Variants in MDM4 observed in about 807,000 individuals in gnomAD.
MDM4 encodes the protein MDM4 regulator of p53, also known as protein Mdm4.
A neutral mutation model predicts 60.2 loss-of-function variants in MDM4; 2 were observed. The ratio of observed to expected loss-of-function variants is 0.03; its 90% confidence interval spans 0.01 to 0.10. MDM4 has a LOEUF of 0.10. Ranked by LOEUF, MDM4 falls within the 10% of genes least tolerant of loss-of-function variation. The probability of loss-of-function intolerance (pLI) is 1.00; values close to 1 mark genes in which losing one functional copy is unlikely to be tolerated. For synonymous variants in MDM4, 202 were observed against 198.1 expected, an observed-to-expected ratio of 1.02 and a Z score of -0.17; for missense variants, 447 against 577.5, an observed-to-expected ratio of 0.77 and a Z score of 2.32.
chr1:204,534,826 T>A (rs1349656806), intron 5 of MDM4, among the ~76,000 whole-genome samples: 1 of 152,004 alleles, frequency 6.6e-6, no homozygotes, highest in African/African-American at 2.4e-5. Context: ...TTTGAAAAAA[T>A]TTCAGACTTA....
rs778877475 is a variant in MDM4, at chr1:204,538,239, A to G, written c.442A>G (p.Lys148Glu). The G allele has an allele frequency of 1.9e-6, 3 of 1,611,196 alleles. No homozygotes were observed. Among genetic ancestry groups the G allele is most frequent in the Non-Finnish European group, 2.5e-6 (3 of 1,177,266 alleles). ...TGCAGAGGAAAGTTCCACTTCCAGA[A>G]AAAGAACTACAGAAGACGATATCCC... ...QSAEESSTSRKRTTEDDIPTL... is the reference protein window; with the variant it reads ...QSAEESSTSRERTTEDDIPTL... The change falls in exon 7 of 11, where the codon AAA (lysine) becomes GAA (glutamate). Residue 148 changes from lysine (K) to glutamate (E), a missense_variant. By Grantham distance (56) the Lys-to-Glu change is moderately conservative. Transcript: ENST00000367182.
intron 1 of MDM4, among the ~76,000 whole-genome samples, chr1:204,517,021 A>G (rs1326706839): frequency 6.6e-6 from 1 of 152,044 alleles, no homozygotes; most frequent in Non-Finnish European, 1.5e-5. Flanking sequence ...GGGTGGATCT[A>G]CCTGAGGACA....
Position 204,530,666 on chromosome 1 carries a change from G to A in MDM4, c.154-18G>A. 1 of 1,614,028 alleles carries A rather than the reference G, an allele frequency of 6.2e-7. No individual in the cohort carries two copies. The highest frequency in any genetic ancestry group is 1.1e-5 in the South Asian group (1 of 91,066). ...TAGCAGCTGGACAGATCACAACATG[G>A]TATTTTATTCCATGCAGGTCATGCA... On this transcript the variant is annotated intron_variant, in intron 3 of 10. Coordinates refer to ENST00000367182, the MANE Select transcript of MDM4 (RefSeq NM_002393.5).
At chr1:204,517,227 G>A (rs577558756) in intron 1 of MDM4, among the ~76,000 whole-genome samples, 22 of 151,408 alleles carry the variant, frequency 1.5e-4, no homozygotes, top group African/African-American at 5.1e-4. Context: ...GGGCTACAGA[G>A]GGAGATTCCG....
intron 5 of MDM4, 44 bp downstream of exon 5, chr1:204,532,290 T>C: frequency 8.0e-7 from 1 of 1,244,796 alleles, no homozygotes; most frequent in Non-Finnish European, 1.2e-6. Context: ...CAGCTTTGAG[T>C]TCAAGGGGGC....
chr1:204,532,493 A>C, intron 5 of MDM4: 1 of 557,006 alleles, frequency 1.8e-6, no homozygotes, highest in Non-Finnish European at 3.1e-6. Flanking sequence ...TCATCTAGAC[A>C]CACTTTTAAA....
intron 1 of MDM4, among the ~76,000 whole-genome samples, chr1:204,521,633 A>G (rs983423729): frequency 6.6e-6 from 1 of 152,184 alleles, no homozygotes; most frequent in Non-Finnish European, 1.5e-5. Flanking sequence ...CAGGCCTGGA[A>G]TTGTCACATT....
At chr1:204,534,131 G>A (rs1661149027) in intron 5 of MDM4, among the ~76,000 whole-genome samples, 1 of 152,198 alleles carries the variant, frequency 6.6e-6, no homozygotes, top group African/African-American at 2.4e-5. Context: ...GGCAGAGAAA[G>A]AGACATTGCT....
chr1:204,542,023 CAG>C (rs1187351513), intron 7 of MDM4, among the ~76,000 whole-genome samples: 3 of 152,176 alleles, frequency 2.0e-5, no homozygotes, highest in Non-Finnish European at 4.4e-5. Flanking sequence ...GTGATAACAA[CAG>C]ACTTATGTTA....
chr1:204,523,517 T>C (rs1312026708), intron 1 of MDM4, among the ~76,000 whole-genome samples: 2 of 122,096 alleles, frequency 1.6e-5, no homozygotes, highest in Non-Finnish European at 3.4e-5. Context: ...AGGGTATCGC[T>C]TTGTCACCCA....
At chr1:204,518,678 A>G (rs1659240065) in intron 1 of MDM4, among the ~76,000 whole-genome samples, 1 of 152,058 alleles carries the variant, frequency 6.6e-6, no homozygotes, top group South Asian at 2.1e-4. Flanking sequence ...CCAACCTTTC[A>G]CTCAGATGGC....
chr1:204,533,482 G>A (rs534679229), intron 5 of MDM4, among the ~76,000 whole-genome samples: 31 of 152,124 alleles, frequency 2.0e-4, no homozygotes, highest in African/African-American at 7.2e-4. Flanking sequence ...TCAGCCTCCC[G>A]AGTAGCTGGG....
chr1:204,536,574 A>G (rs1022768062), intron 5 of MDM4, among the ~76,000 whole-genome samples: 35 of 152,196 alleles, frequency 2.3e-4, no homozygotes, highest in African/African-American at 7.0e-4. Context: ...TTTTGGGTCT[A>G]TCTCATTCAC....
At position 204,549,927 on chromosome 1, in the gene MDM4, A is replaced by C. The variant is rs1448833794; in HGVS notation, c.*245A>C. ...GTACATAGTTAGGTGAACCCAAAAG[A>C]AAAACTCTTGAAAACAAGAGATTTC... On this transcript the variant is annotated 3_prime_UTR_variant, in exon 11 of 11. Transcript: ENST00000367182. The C allele has an allele frequency of 2.8e-6, 1 of 353,468 alleles. No homozygotes were observed. Among genetic ancestry groups the C allele is most frequent in the Non-Finnish European group, 5.1e-6 (1 of 196,936 alleles). The allele number at this position is 353,468 out of a possible 1,614,324, so 21.9% of individuals were successfully genotyped here.
chr1:204,538,359 C>A (rs1395646850), intron 7 of MDM4, 51 bp downstream of exon 7: 3 of 955,172 alleles, frequency 3.1e-6, no homozygotes, highest in Non-Finnish European at 5.0e-6. Context: ...CCTCTTCCAA[C>A]CTTTTTATTT....
At chr1:204,534,654 GT>G (rs1661211724) in intron 5 of MDM4, among the ~76,000 whole-genome samples, 1 of 151,832 alleles carries the variant, frequency 6.6e-6, no homozygotes, top group Non-Finnish European at 1.5e-5. Flanking sequence ...CACCTGGCTA[GT>G]TTTTTGTATA....
In MDM4 at chr1:204,549,368, G is replaced by T. The variant is rs1420651047; in HGVS notation, c.1159G>T (p.Asp387Tyr). 6.2e-7 allele frequency: 1 copy of T among 1,614,150 alleles called. No individual in the cohort carries two copies. Among genetic ancestry groups the T allele is most frequent in the Admixed American group, 1.7e-5 (1 of 60,016 alleles). Residue 387 changes from aspartate (D) to tyrosine (Y), a missense_variant, in exon 11 of 11, where the codon GAT becomes TAT. Transcript: ENST00000367182. ...YIKKENSKLF[D>Y]PCNSVEFLDL... Reference sequence around the variant, plus strand: ...AAAGAAAGAAAACTCCAAACTTTTTGATCCCTGCAACTCAGTGGAATTCTT... The same window carrying T: ...AAAGAAAGAAAACTCCAAACTTTTTTATCCCTGCAACTCAGTGGAATTCTT...
rs982267051 is a variant in MDM4, at chr1:204,551,634, A to G, written c.*1952A>G. The G allele has an allele frequency of 8.6e-6, 2 of 231,904 alleles. No homozygotes were observed. Among genetic ancestry groups the G allele is most frequent in the Non-Finnish European group, 1.7e-5 (2 of 117,374 alleles). 14.4% of individuals were successfully genotyped at this position (231,904 alleles called of 1,614,324 possible). A position where few individuals can be genotyped will look rare whatever the true frequency, so the allele number is the denominator to read the frequency against. On this transcript the variant is annotated 3_prime_UTR_variant, in exon 11 of 11. Transcript: ENST00000367182. Reference sequence around the variant, plus strand: ...TTGGTTTCCATAGAGCTATGCATGTATCCTTACCCCCATGGGAAAATGTTG... The same window carrying G: ...TTGGTTTCCATAGAGCTATGCATGTGTCCTTACCCCCATGGGAAAATGTTG...
chr1:204,519,170 T>G (rs1659297199), intron 1 of MDM4, among the ~76,000 whole-genome samples: 1 of 152,188 alleles, frequency 6.6e-6, no homozygotes, highest in African/African-American at 2.4e-5. Flanking sequence ...GCTGAGGGGA[T>G]AGACCACGTG....
Sources: allele counts gnomAD v4.1 joint callset (sites outside exome capture counted in the v4.1 genomes callset), GRCh38; gene constraint gnomAD v4.1.1; transcripts MANE v1.5; gene names NCBI Gene and HGNC (gene_info 2026-07-23, HGNC 2026-07-21).